AGBL4: variants seen among roughly 807,000 people sequenced by gnomAD.
The protein encoded by AGBL4 is cytosolic carboxypeptidase 6.
Under a neutral mutation model 66.4 loss-of-function variants are expected in AGBL4, and 58 were observed. The ratio of observed to expected loss-of-function variants is 0.87; its 90% confidence interval spans 0.71 to 1.09. The LOEUF (loss-of-function observed/expected upper bound fraction) is 1.09, where lower values mean the gene tolerates loss of function less well. AGBL4 is among the 50% of genes least tolerant of loss of function. The pLI is 0.00. For missense variants in AGBL4, 579 were observed against 631.0 expected (o/e 0.92, Z 0.88); for synonymous variants, 234 against 222.9 (o/e 1.05, Z -0.44).
intron 3 of AGBL4, among the ~76,000 whole-genome samples, chr1:49,320,417 G>C (rs1271536565): frequency 1.3e-5 from 2 of 152,162 alleles, no homozygotes; most frequent in Non-Finnish European, 2.9e-5. Flanking sequence ...AAGTAGACAA[G>C]TAGCAATATC....
chr1:50,002,594 C>T (rs1042398621), intron 1 of AGBL4, among the ~76,000 whole-genome samples: 2 of 151,838 alleles, frequency 1.3e-5, no homozygotes, highest in African/African-American at 4.8e-5. Context: ...TGGTCTCGAT[C>T]TCCTGACCTC....
chr1:49,406,794 G>A (rs955789604), intron 3 of AGBL4, among the ~76,000 whole-genome samples: 7 of 151,714 alleles, frequency 4.6e-5, no homozygotes, highest in South Asian at 4.1e-4. Context: ...GGCCAGGAGC[G>A]GTGGCTCATG....
chr1:48,923,065 TA>T (rs57840370), intron 5 of AGBL4, among the ~76,000 whole-genome samples: 35,474 of 150,326 alleles, frequency 0.24, 5,267 homozygotes, highest in African/African-American at 0.42. Context: ...AATGGATATA[TA>T]AACAGAAATT....
intron 6 of AGBL4, among the ~76,000 whole-genome samples, chr1:48,769,429 A>ATT (rs1644693840): frequency 6.6e-6 from 1 of 151,916 alleles, no homozygotes; most frequent in Admixed American, 6.6e-5. Context: ...TGCCAACACA[A>ATT]TAAATGCCCC....
At chr1:49,605,938 G>A (rs1645055927) in intron 3 of AGBL4, among the ~76,000 whole-genome samples, 1 of 151,954 alleles carries the variant, frequency 6.6e-6, no homozygotes. Context: ...TAATTGTGAG[G>A]GAAATAAAGG....
intron 1 of AGBL4, among the ~76,000 whole-genome samples, chr1:49,964,340 A>AGG: frequency 6.6e-6 from 1 of 152,184 alleles, no homozygotes; most frequent in Admixed American, 6.5e-5. Flanking sequence ...ATAAAATGGA[A>AGG]GTAATAATAC....
chr1:48,860,327 C>T (rs1315687841), intron 6 of AGBL4, among the ~76,000 whole-genome samples: 3 of 152,146 alleles, frequency 2.0e-5, no homozygotes, highest in African/African-American at 4.8e-5. Flanking sequence ...AGAAATGAAA[C>T]TATATTGTTG....
At chr1:49,925,605 G>T (rs1652685094) in intron 1 of AGBL4, among the ~76,000 whole-genome samples, 1 of 152,152 alleles carries the variant, frequency 6.6e-6, no homozygotes, top group South Asian at 2.1e-4. Context: ...ATTGCTCTTG[G>T]ACAGCATCTC....
intron 3 of AGBL4, among the ~76,000 whole-genome samples, chr1:49,528,392 T>C (rs889775772): frequency 4.6e-5 from 7 of 152,088 alleles, no homozygotes; most frequent in African/African-American, 1.2e-4. Context: ...AGCACTTCTA[T>C]ATAATTTGGC....
intron 6 of AGBL4, among the ~76,000 whole-genome samples, chr1:48,722,156 T>C (rs1305172572): frequency 6.6e-6 from 1 of 151,530 alleles, no homozygotes; most frequent in African/African-American, 2.4e-5. Context: ...CATTGGTGAA[T>C]AGGGAGGGAC....
intron 5 of AGBL4, among the ~76,000 whole-genome samples, chr1:48,878,745 C>T (rs1443036124): frequency 6.6e-6 from 1 of 152,090 alleles, no homozygotes; most frequent in Non-Finnish European, 1.5e-5. Context: ...TGCTGAATTG[C>T]ACGATATTGT....
intron 3 of AGBL4, among the ~76,000 whole-genome samples, chr1:49,595,181 C>T (rs1052610376): frequency 2.6e-5 from 4 of 152,072 alleles, no homozygotes; most frequent in African/African-American, 7.2e-5. Flanking sequence ...CTCCTCCTAC[C>T]GGGTTCACGC....
At chr1:48,553,914 G>A (rs572903125) in intron 11 of AGBL4, among the ~76,000 whole-genome samples, 1 of 152,302 alleles carries the variant, frequency 6.6e-6, no homozygotes, top group Non-Finnish European at 1.5e-5. Context: ...TGAACAATAT[G>A]AAGAATCTAT....
At chr1:48,830,877 T>G (rs1178977557) in intron 6 of AGBL4, among the ~76,000 whole-genome samples, 1 of 152,208 alleles carries the variant, frequency 6.6e-6, no homozygotes, top group Non-Finnish European at 1.5e-5. Flanking sequence ...CAAATATTGC[T>G]GAGGGCCTGC....
intron 5 of AGBL4, among the ~76,000 whole-genome samples, chr1:48,886,944 AGGT>A (rs2148850426): frequency 6.6e-6 from 1 of 152,294 alleles, no homozygotes; most frequent in East Asian, 1.9e-4. Context: ...CAGGATGATG[AGGT>A]CAACAGATAA....
At chr1:48,836,561 A>C (rs779355740) in intron 6 of AGBL4, among the ~76,000 whole-genome samples, 11 of 151,940 alleles carry the variant, frequency 7.2e-5, no homozygotes, top group African/African-American at 1.2e-4. Flanking sequence ...TGCACAAAAG[A>C]AAAAAAAGGA....
At chr1:48,947,355 C>G (rs1416038174) in intron 5 of AGBL4, among the ~76,000 whole-genome samples, 1 of 152,202 alleles carries the variant, frequency 6.6e-6, no homozygotes, top group South Asian at 2.1e-4. Flanking sequence ...TTATCTCGAA[C>G]AGTGCATCTT....
At chr1:49,213,405 T>G (rs1274047455) in intron 4 of AGBL4, among the ~76,000 whole-genome samples, 1 of 152,004 alleles carries the variant, frequency 6.6e-6, no homozygotes, top group Non-Finnish European at 1.5e-5. Flanking sequence ...GATGTTTGGG[T>G]CATGGCGGCA....
intron 3 of AGBL4, among the ~76,000 whole-genome samples, chr1:49,530,972 A>ACC (rs1651095978): frequency 6.6e-6 from 1 of 152,136 alleles, no homozygotes; most frequent in African/African-American, 2.4e-5. Context: ...TAGATGAAAT[A>ACC]GTATATGTAA....
Sources: allele counts gnomAD v4.1 joint callset (sites outside exome capture counted in the v4.1 genomes callset), GRCh38; gene constraint gnomAD v4.1.1; transcripts MANE v1.5; gene names NCBI Gene and HGNC (gene_info 2026-07-23, HGNC 2026-07-21).